Variants in PLCB1 observed in about 807,000 individuals in gnomAD.
PLCB1 encodes the protein 1-phosphatidylinositol 4,5-bisphosphate phosphodiesterase beta-1.
In PLCB1, 46 loss-of-function variants were observed where a neutral mutation model predicts 161.8. The observed-to-expected ratio is 0.28, with a 90% CI of 0.22 to 0.36. The LOEUF (loss-of-function observed/expected upper bound fraction) is 0.36. Ranked by LOEUF, PLCB1 falls within the 10% of genes least tolerant of loss-of-function variation. The probability of loss-of-function intolerance (pLI) is 1.00; values close to 1 mark genes in which losing one functional copy is unlikely to be tolerated. For missense variants in PLCB1, 1,016 were observed against 1,472.5 expected (o/e 0.69, Z 5.07); for synonymous variants, 517 against 503.7 (o/e 1.03, Z -0.35).
chr20:8,530,047 G>C (rs771817777), intron 3 of PLCB1, among the ~76,000 whole-genome samples: 1 of 152,066 alleles, frequency 6.6e-6, no homozygotes, highest in African/African-American at 2.4e-5. Context: ...TTTTCAATCT[G>C]GTGTGTATGA....
At chr20:8,257,284 G>A (rs577802363) in intron 2 of PLCB1, among the ~76,000 whole-genome samples, 7 of 152,060 alleles carry the variant, frequency 4.6e-5, no homozygotes, top group South Asian at 2.1e-4. Context: ...AGGTACTAGA[G>A]TGATTTTTAC....
chr20:8,861,513 C>T (rs957012430), intron 31 of PLCB1, among the ~76,000 whole-genome samples: 4 of 152,124 alleles, frequency 2.6e-5, no homozygotes, highest in Admixed American at 6.5e-5. Flanking sequence ...AGGTGGATCA[C>T]GAGGTCAAGA....
intron 26 of PLCB1, among the ~76,000 whole-genome samples, chr20:8,767,768 A>ACT (rs1265903282): frequency 6.6e-6 from 1 of 152,198 alleles, no homozygotes; most frequent in Non-Finnish European, 1.5e-5. Flanking sequence ...TTGAGTGTCA[A>ACT]CAAAGTACTG....
intron 2 of PLCB1, among the ~76,000 whole-genome samples, chr20:8,309,865 G>T (rs1242630271): frequency 6.6e-6 from 1 of 152,124 alleles, no homozygotes; most frequent in Non-Finnish European, 1.5e-5. Context: ...TAGCACGCTA[G>T]CCAATTAAGG....
At chr20:8,430,300 AG>A (rs1318132989) in intron 3 of PLCB1, among the ~76,000 whole-genome samples, 1 of 152,042 alleles carries the variant, frequency 6.6e-6, no homozygotes, top group Non-Finnish European at 1.5e-5. Context: ...GGACAGGGAG[AG>A]GCCTCAGGTA....
intron 3 of PLCB1, among the ~76,000 whole-genome samples, chr20:8,485,416 A>G (rs1982677468): frequency 6.6e-6 from 1 of 152,246 alleles, no homozygotes; most frequent in Non-Finnish European, 1.5e-5. Context: ...TAAGCTGCCT[A>G]AAGGCAGAAA....
chr20:8,162,098 G>C (rs111501105), intron 2 of PLCB1, among the ~76,000 whole-genome samples: 4 of 152,188 alleles, frequency 2.6e-5, no homozygotes, highest in Non-Finnish European at 5.9e-5. Flanking sequence ...AATCAAAATA[G>C]TTTTTTTATT....
intron 3 of PLCB1, among the ~76,000 whole-genome samples, chr20:8,609,807 G>A (rs1163540664): frequency 4.6e-5 from 7 of 152,070 alleles, no homozygotes; most frequent in African/African-American, 1.7e-4. Flanking sequence ...CAGCCACCAT[G>A]GCCAGCTTCA....
At position 8,686,666 on chromosome 20, in the gene PLCB1, C is replaced by T. The variant is rs543471610; in HGVS notation, c.1009+1588C>T. On this transcript the variant is annotated intron_variant, in intron 10 of 31. Coordinates refer to ENST00000338037, the MANE Select transcript of PLCB1 (RefSeq NM_015192.4). ...GATTTTATGTATGTTCATTCAATCG[C>T]GGCTGCCATTCTCCTTTTGAGAGAC... Among the ~76,000 whole-genome samples the T allele has an allele frequency of 5.3e-5, 8 of 152,198 alleles. No homozygotes were observed. The East Asian group carries it at 1.4e-3, about 26-fold the overall frequency.
At chr20:8,874,439 G>A (rs1987711140) in intron 31 of PLCB1, among the ~76,000 whole-genome samples, 1 of 151,840 alleles carries the variant, frequency 6.6e-6, no homozygotes, top group African/African-American at 2.4e-5. Flanking sequence ...GGATATATTT[G>A]ATGAATAAAA....
chr20:8,833,316 G>A (rs1418870795), intron 31 of PLCB1, among the ~76,000 whole-genome samples: 1 of 152,124 alleles, frequency 6.6e-6, no homozygotes, highest in Non-Finnish European at 1.5e-5. Flanking sequence ...CATGTGCAGG[G>A]GAACTGTCCT....
intron 3 of PLCB1, among the ~76,000 whole-genome samples, chr20:8,521,386 C>G (rs73094014): frequency 0.012 from 1,837 of 151,852 alleles, 21 homozygotes; most frequent in South Asian, 0.03. Context: ...GGCCAAGGTA[C>G]TTTCACCTAC....
At chr20:8,444,212 G>T (rs186222556) in intron 3 of PLCB1, among the ~76,000 whole-genome samples, 2 of 133,078 alleles carry the variant, frequency 1.5e-5, no homozygotes, top group South Asian at 2.7e-4. Flanking sequence ...ATGACAGGCC[G>T]CGGTGTGTGA....
chr20:8,785,565 A>G (rs1983444093), intron 27 of PLCB1, among the ~76,000 whole-genome samples: 1 of 152,100 alleles, frequency 6.6e-6, no homozygotes, highest in Admixed American at 6.6e-5. Context: ...GCAAGGGGTA[A>G]AGGGCAAATG....
At chr20:8,432,488 C>T (rs911142014) in intron 3 of PLCB1, among the ~76,000 whole-genome samples, 8 of 152,198 alleles carry the variant, frequency 5.3e-5, no homozygotes, top group Non-Finnish European at 1.0e-4. Flanking sequence ...TTAATTACTT[C>T]TTTCTAGACC....
intron 2 of PLCB1, among the ~76,000 whole-genome samples, chr20:8,167,108 A>C (rs1228340822): frequency 6.6e-6 from 1 of 152,126 alleles, no homozygotes; most frequent in Non-Finnish European, 1.5e-5. Flanking sequence ...CGAGATATGG[A>C]TACTTCATCA....
intron 2 of PLCB1, among the ~76,000 whole-genome samples, chr20:8,303,581 G>T (rs1230801093): frequency 6.6e-6 from 1 of 151,976 alleles, no homozygotes; most frequent in African/African-American, 2.4e-5. Context: ...ATATAAAGAG[G>T]GTAATTTAAA....
intron 2 of PLCB1, among the ~76,000 whole-genome samples, chr20:8,340,570 C>G (rs1463936455): frequency 2.0e-5 from 3 of 151,964 alleles, no homozygotes; most frequent in South Asian, 4.2e-4. Flanking sequence ...CTACAGGCGC[C>G]CGCCACCACG....
intron 31 of PLCB1, among the ~76,000 whole-genome samples, chr20:8,814,343 TA>T (rs1252018974): frequency 1.3e-5 from 2 of 152,218 alleles, no homozygotes; most frequent in African/African-American, 4.8e-5. Flanking sequence ...TTGAGAAACC[TA>T]AATATTACAT....
Sources: allele counts gnomAD v4.1 joint callset (sites outside exome capture counted in the v4.1 genomes callset), GRCh38; gene constraint gnomAD v4.1.1; transcripts MANE v1.5; gene names NCBI Gene and HGNC (gene_info 2026-07-23, HGNC 2026-07-21).